Variants in SBF1 observed in about 807,000 individuals in gnomAD.
SBF1 encodes the protein SET binding factor 1, also known as myotubularin-related protein 5.
SBF1 carries 65 observed loss-of-function variants against 215.8 expected under a neutral mutation model. That is an observed-to-expected ratio of 0.30 (90% CI 0.25 to 0.37). SBF1 has a LOEUF of 0.37. Among genes scored for constraint, SBF1 ranks in the 10% least tolerant of loss-of-function variants. SBF1 has a pLI of 1.00. For missense variants in SBF1, 2,634 were observed against 2,667.8 expected (o/e 0.99, Z 0.28); for synonymous variants, 1,410 against 1,122.8 (o/e 1.26, Z -5.11).
rs539219981 is a variant in SBF1 at position 50,456,131 on chromosome 22, A to G, written c.4266+85T>C. The G allele has an allele frequency of 2.1e-3, 2,968 of 1,412,476 alleles. 4 individuals are homozygous for G. Among genetic ancestry groups the G allele is most frequent in the Non-Finnish European group, 2.6e-3 (2,741 of 1,044,500 alleles). 87.5% of individuals were successfully genotyped at this position (1,412,476 alleles called of 1,614,324 possible). The stretch of plus-strand genomic sequence containing the variant: ...TTCCAGCGCTCCACACTGTCAGACA[A>G]GCAAACCTAGACCCGTCCACTTGGC... On this transcript the variant is annotated intron_variant, in intron 31 of 40. Transcript: ENST00000380817.
chr22:50,467,508 C>T lies in SBF1; in HGVS notation c.438+24G>A, dbSNP rs1383688808. 4 of 1,613,616 alleles carry T rather than the reference C, an allele frequency of 2.5e-6. No individual in the cohort carries two copies. In the South Asian group the frequency reaches 3.3e-5, roughly 13 times the overall value. ...CGATGGAAGCACCCTCGTCGTGCCT[C>T]GCCGCCCCGGCTGCCGGCCTCACCC... On this transcript the variant is annotated intron_variant, in intron 4 of 40. Coordinates refer to ENST00000380817, the MANE Select transcript of SBF1 (RefSeq NM_002972.4).
chr22:50,454,915 T>C lies in SBF1; in HGVS notation c.4711A>G (p.Arg1571Gly). 1 of 1,614,044 alleles carries C rather than the reference T, an allele frequency of 6.2e-7. No homozygotes were observed. The highest frequency in any genetic ancestry group is 2.2e-5 in the East Asian group (1 of 44,874). Reference sequence around the variant, plus strand: ...ACAGACCTGCACGGCACCTGGCCCCTGCGTTCCCCCTTCTCCTCATACAGC... The same window carrying C: ...ACAGACCTGCACGGCACCTGGCCCCCGCGTTCCCCCTTCTCCTCATACAGC... ...GLLYEEKGERRGQVPCRSVWE... is the reference protein window; with the variant it reads ...GLLYEEKGERGGQVPCRSVWE... The change falls in exon 35 of 41, where the codon AGG becomes GGG. Residue 1571 changes from arginine to glycine, a missense_variant. Arg to Gly is a moderately radical substitution (Grantham distance 125). Coordinates refer to ENST00000380817, the MANE Select transcript of SBF1 (RefSeq NM_002972.4).
Position 50,445,203 on chromosome 22 carries a change from T to A in SBF1, c.*1939A>T, listed in dbSNP as rs971562110. 6.6e-6 allele frequency: 1 copy of A among 152,284 alleles called. No individual in the cohort carries two copies. Among genetic ancestry groups the A allele is most frequent in the Non-Finnish European group, 1.5e-5 (1 of 68,052 alleles). The allele number at this position is 152,284 out of a possible 1,614,324, so 9.4% of individuals were successfully genotyped here. A position where few individuals can be genotyped will look rare whatever the true frequency, so the allele number is the denominator to read the frequency against. On this transcript the variant is annotated 3_prime_UTR_variant, in exon 41 of 41. Transcript: ENST00000380817. ...ACCCCCCAGCGTTATCCCCGTGTAA[T>A]GGGTGGAGGCGGAACAGGCCACATC...
At chr22:50,461,321 A>T in intron 22 of SBF1, 35 bp from the exon 23 acceptor site, 2 of 1,352,380 alleles carry the variant, frequency 1.5e-6, no homozygotes, top group Non-Finnish European at 9.9e-7. Flanking sequence ...GAAGCAAGGA[A>T]GGTAAGGGGG....
In SBF1 at chr22:50,454,817, T is replaced by C. The variant is rs1178873911; in HGVS notation, c.4809A>G (p.Ala1603=). The change falls in exon 35 of 41, where the codon GCA becomes GCG. Residue 1603 remains alanine (A), a synonymous_variant. Transcript: ENST00000380817. ...FHNYMYAPED[A]EVLRPYSNVS... Reference sequence around the variant, plus strand: ...CCCGACCCAGGCCCCAGCTTACCTCTGCGTCCTCGGGCGCATACATGTAAT... The same window carrying C: ...CCCGACCCAGGCCCCAGCTTACCTCCGCGTCCTCGGGCGCATACATGTAAT... 2 of 1,613,890 alleles carry C rather than the reference T, an allele frequency of 1.2e-6. No homozygotes were observed. Among genetic ancestry groups the C allele is most frequent in the Non-Finnish European group, 8.5e-7 (1 of 1,179,926 alleles).
chr22:50,456,570 G>C lies in SBF1; in HGVS notation c.4008C>G (p.Asn1336Lys), dbSNP rs759875241. 2.6e-6 allele frequency: 4 copies of C among 1,558,420 alleles called. No homozygotes were observed. Among genetic ancestry groups the C allele is most frequent in the Middle Eastern group, 1.7e-4 (1 of 5,804 alleles). The change falls in exon 30 of 41, where the codon AAC (asparagine) becomes AAG (lysine). Residue 1336 changes from asparagine to lysine, a missense_variant. Coordinates refer to ENST00000380817, the MANE Select transcript of SBF1 (RefSeq NM_002972.4). ...GRDALAPPQANGGPPDPGFLR... is the reference protein window; with the variant it reads ...GRDALAPPQAKGGPPDPGFLR... Reference sequence around the variant, plus strand: ...GGAAGCCCGGGTCGGGAGGGCCCCCGTTGGCCTGGGGTGGGGCCAGCGCGT... The same window carrying C: ...GGAAGCCCGGGTCGGGAGGGCCCCCCTTGGCCTGGGGTGGGGCCAGCGCGT...
chr22:50,460,233 A>T (rs2067446475), intron 25 of SBF1, 39 bp downstream of exon 25: 3 of 1,600,990 alleles, frequency 1.9e-6, no homozygotes, highest in Non-Finnish European at 2.6e-6. Flanking sequence ...CAATGTCAGC[A>T]TCCAGAGACC....
In SBF1 at chr22:50,474,565, C is replaced by CCCCCGG. The variant is rs1023585769; in HGVS notation, c.55+215_55+220dup. Among the ~76,000 whole-genome samples, 80 of 151,846 alleles carry CCCCCGG rather than the reference C, an allele frequency of 5.3e-4. No homozygotes were observed. In the East Asian group the frequency reaches 9.6e-3, roughly 18 times the overall value. ...GCCCTGGCCTTCAGTCCCCGCCCGGCCCCCGGCCCCGGCCCTCAGTCCTCG... is the reference window on the plus strand; with the variant it reads ...GCCCTGGCCTTCAGTCCCCGCCCGGCCCCCGGCCCCGGCCCCGGCCCTCAGTCCTCG... On this transcript the variant is annotated intron_variant, in intron 1 of 40. Transcript: ENST00000380817.
chr22:50,465,420 A>T, intron 10 of SBF1, 92 bp from the exon 11 acceptor site: 1 of 1,080,232 alleles, frequency 9.3e-7, no homozygotes, highest in Non-Finnish European at 1.3e-6. Context: ...ACCCACCCCA[A>T]GCTGCCCCGC....
intron 36 of SBF1, among the ~76,000 whole-genome samples, chr22:50,454,163 T>C (rs981876864): frequency 1.3e-5 from 2 of 152,138 alleles, no homozygotes; most frequent in Non-Finnish European, 2.9e-5. Context: ...TAAAACACTG[T>C]CGTCTCTAAG....
At chr22:50,467,311 C>G (rs1432820202) in intron 5 of SBF1, 27 bp downstream of exon 5, 1 of 1,586,602 alleles carries the variant, frequency 6.3e-7, no homozygotes, top group South Asian at 1.1e-5. Context: ...TGTGGCTGTG[C>G]AGATACCAGC....
chr22:50,474,673 C>T, intron 1 of SBF1, 113 bp downstream of exon 1: 2 of 881,218 alleles, frequency 2.3e-6, no homozygotes, highest in Non-Finnish European at 3.2e-6. Flanking sequence ...CCTCCCGACC[C>T]AGCCCCCAGC....
At chr22:50,462,754 C>A in intron 17 of SBF1, 37 bp from the exon 18 acceptor site, 1 of 1,608,944 alleles carries the variant, frequency 6.2e-7, no homozygotes, top group Non-Finnish European at 8.5e-7. Flanking sequence ...CTGGATGCAG[C>A]CAGGAAGGGC....
chr22:50,461,062 G>A (rs752137270), intron 23 of SBF1, 97 bp downstream of exon 23: 3 of 1,450,106 alleles, frequency 2.1e-6, no homozygotes, highest in Non-Finnish European at 2.8e-6. Context: ...GGCCACTGCT[G>A]GAGACTGGCC....
rs2067415096 is a variant in SBF1 at position 50,459,627 on chromosome 22, G to A, written c.3531C>T (p.Asp1177=). The A allele has an allele frequency of 6.8e-6, 11 of 1,609,052 alleles. No homozygotes were observed. The East Asian group carries it at 2.2e-4, about 33-fold the overall frequency. ...AGCGGGACACGCGCTGCAGGGCGTT[G>A]TCCTGGACACTCTGGGGCACGATCA... ...GLLIVPQSVQ[D]NALQRVSRCY... The change falls in exon 27 of 41, where the codon GAC becomes GAT. Residue 1177 remains aspartate (D), a synonymous_variant. Transcript: ENST00000380817.
chr22:50,463,946 G>C lies in SBF1; in HGVS notation c.1749+383C>G, dbSNP rs1329794407. Among the ~76,000 whole-genome samples, 3 of 152,222 alleles carry C rather than the reference G, an allele frequency of 2.0e-5. No individual in the cohort carries two copies. The East Asian group carries it at 5.8e-4, about 29-fold the overall frequency. On this transcript the variant is annotated intron_variant, in intron 15 of 40. Transcript: ENST00000380817. ...CAAAACAGCAGGAGCAAAAAGCTCT[G>C]TTTCCATAAGATGCAAGGAACAGGT...
At chr22:50,453,577 G>A (rs967155850) in intron 36 of SBF1, among the ~76,000 whole-genome samples, 1 of 152,186 alleles carries the variant, frequency 6.6e-6, no homozygotes, top group Admixed American at 6.5e-5. Flanking sequence ...CACGAGGTCA[G>A]GAGATCGAGA....
In SBF1 at chr22:50,464,712, C is replaced by T. The variant is rs1419861275; in HGVS notation, c.1458G>A (p.Met486Ile). ...TCTCACCGGGCCTCTGTACCTTGTG[C>T]ATCGCCACGGCTGGGTACGGGTTCT... The part of the protein sequence containing the change: ...KNENPYPAVA[M>I]HKVQRPGESS... Residue 486 changes from methionine to isoleucine, a missense_variant, in exon 14 of 41, where the codon ATG (methionine) becomes ATA (isoleucine). Physicochemically the swap from Met to Ile is conservative, Grantham distance 10. Coordinates refer to ENST00000380817, the MANE Select transcript of SBF1 (RefSeq NM_002972.4). 1 of 1,606,978 alleles carries T rather than the reference C, an allele frequency of 6.2e-7. No individual in the cohort carries two copies.
Position 50,467,459 on chromosome 22 carries a change from C to G in SBF1, c.439-11G>C. 2 of 1,614,108 alleles carry G rather than the reference C, an allele frequency of 1.2e-6. No individual in the cohort carries two copies. The highest frequency in any genetic ancestry group is 1.7e-6 in the Non-Finnish European group (2 of 1,179,982). On this transcript the variant is annotated splice_polypyrimidine_tract_variant and intron_variant, in intron 4 of 40. Transcript: ENST00000380817. ...GAGGCCAAGGCTGTTCTGCAATGAC[C>G]AGAGCGGGGAGTGGTGGGACAGCCG...
Sources: gnomAD v4.1 joint callset for allele counts (sites outside exome capture counted in the v4.1 genomes callset) on GRCh38, gnomAD v4.1.1 for gene constraint, MANE v1.5 for transcripts, NCBI Gene and HGNC (gene_info 2026-07-23, HGNC 2026-07-21) for gene names.